The following DZANK1 variants were observed in gnomAD, a reference collection of about 807,000 sequenced individuals.
The protein encoded by DZANK1 is double zinc ribbon and ankyrin repeat-containing protein 1.
A neutral mutation model predicts 94.5 loss-of-function variants in DZANK1; 91 were observed. The observed-to-expected ratio is 0.96, with a 90% CI of 0.81 to 1.15. DZANK1 has a LOEUF of 1.15. Among genes scored for constraint, DZANK1 ranks in the 50% most tolerant of loss-of-function variants. DZANK1 has a pLI of 0.00. For synonymous variants in DZANK1, 312 were observed against 325.3 expected, an observed-to-expected ratio of 0.96 and a Z score of 0.44; for missense variants, 903 against 916.4, an observed-to-expected ratio of 0.99 and a Z score of 0.19.
intron 13 of DZANK1, among the ~76,000 whole-genome samples, chr20:18,409,190 AAAG>A (rs1457681920): frequency 6.6e-6 from 1 of 152,156 alleles, no homozygotes; most frequent in Admixed American, 6.5e-5. Context: ...AATTTTTTAA[AAAG>A]AAGCTCAACA....
At chr20:18,415,291 G>C (rs774852752) in intron 11 of DZANK1, 36 bp downstream of exon 11, 1 of 1,451,800 alleles carries the variant, frequency 6.9e-7, no homozygotes, top group Non-Finnish European at 9.2e-7. Context: ...GTGGTGAGGT[G>C]CTCAGTATAC....
chr20:18,440,137 C>G (rs1471529475), intron 8 of DZANK1, among the ~76,000 whole-genome samples: 1 of 152,184 alleles, frequency 6.6e-6, no homozygotes, highest in Non-Finnish European at 1.5e-5. Flanking sequence ...AGAAACCAAA[C>G]CTGCTGGCGC....
At chr20:18,439,529 C>T (rs1350878785) in intron 8 of DZANK1, among the ~76,000 whole-genome samples, 1 of 152,184 alleles carries the variant, frequency 6.6e-6, no homozygotes. Context: ...ATTCCTCTTA[C>T]TGAAACATCA....
rs2058708552 is a variant in DZANK1, at chr20:18,441,334, C to T, written c.747+2013G>A. Reference sequence around the variant, plus strand: ...GACAAGACCAAACCACTTCCAAAATCCCATTTCCCAGTTTATTTCCTGGGA... The same window carrying T: ...GACAAGACCAAACCACTTCCAAAATTCCATTTCCCAGTTTATTTCCTGGGA... On this transcript the variant is annotated intron_variant, in intron 8 of 20. Coordinates refer to ENST00000262547, the Ensembl canonical transcript of DZANK1. This position sits in a 1 kb window ranked among gnomAD's most constrained non-coding sequence, Gnocchi z 4.1. Among the ~76,000 whole-genome samples, 1 of 152,178 alleles carries T rather than the reference C, an allele frequency of 6.6e-6. No homozygotes were observed. Among genetic ancestry groups the T allele is most frequent in the African/African-American group, 2.4e-5 (1 of 41,432 alleles).
chr20:18,449,388 CATT>C (rs1475274713), intron 6 of DZANK1, among the ~76,000 whole-genome samples: 1 of 151,976 alleles, frequency 6.6e-6, no homozygotes, highest in Non-Finnish European at 1.5e-5. Flanking sequence ...AATAAAAAAT[CATT>C]ATGAGTAATG....
intron 2 of DZANK1, 118 bp downstream of exon 2, chr20:18,465,131 AT>A (rs1218847015): frequency 3.1e-6 from 2 of 655,592 alleles, no homozygotes; most frequent in Non-Finnish European, 5.1e-6. Flanking sequence ...AGTTTTACAA[AT>A]TTCCCAAAAA....
At chr20:18,400,820 T>C (rs933208638) in intron 13 of DZANK1, among the ~76,000 whole-genome samples, 1 of 152,256 alleles carries the variant, frequency 6.6e-6, no homozygotes, top group Non-Finnish European at 1.5e-5. Flanking sequence ...AACAGAGTTC[T>C]TGCCCTCAAG....
At chr20:18,406,542 A>T (rs183881308) in intron 13 of DZANK1, among the ~76,000 whole-genome samples, 15 of 152,368 alleles carry the variant, frequency 9.8e-5, no homozygotes, top group African/African-American at 3.6e-4. Flanking sequence ...AATAACCACC[A>T]GCAATACCCA....
chr20:18,443,323 G>T, intron 8 of DZANK1, 24 bp downstream of exon 8: 1 of 1,436,654 alleles, frequency 7.0e-7, no homozygotes. Context: ...AATGAAAGAT[G>T]TTTTTAAGAA....
At chr20:18,423,469 A>G (rs1011482984) in intron 10 of DZANK1, among the ~76,000 whole-genome samples, 7 of 152,242 alleles carry the variant, frequency 4.6e-5, no homozygotes, top group Admixed American at 2.6e-4. Flanking sequence ...ATATCTGTGC[A>G]ACATTCCACA....
At chr20:18,393,672 T>G in intron 17 of DZANK1, 39 bp downstream of exon 17, 1 of 1,327,456 alleles carries the variant, frequency 7.5e-7, no homozygotes, top group South Asian at 1.3e-5. Context: ...AATCACAGGC[T>G]GAAGACAACA....
intron 19 of DZANK1, 111 bp downstream of exon 19, chr20:18,389,590 A>T: frequency 1.4e-6 from 2 of 1,439,610 alleles, no homozygotes; most frequent in Non-Finnish European, 9.3e-7. Context: ...TAAAATGGTT[A>T]AAGTGGCTGA....
chr20:18,453,777 G>T, exon 5 of DZANK1: 1 of 1,613,000 alleles, frequency 6.2e-7, no homozygotes, highest in Non-Finnish European at 8.5e-7. Flanking sequence ...GATTTTCAGA[G>T]TTCTTATATT....
In DZANK1 at chr20:18,455,251, C is replaced by T. The variant is rs2059244472; in HGVS notation, c.374G>A (p.Arg125Lys). 1 of 1,599,008 alleles carries T rather than the reference C, an allele frequency of 6.3e-7. No homozygotes were observed. ...GATTATAGTTTCATTACTTGCCTGC[C>T]TTGAAGAATCTTTGAGAACATTTTC... Residue 125 changes from arginine to lysine, a missense_variant, in exon 4 of 21, where the codon AGG becomes AAG. Transcript: ENST00000262547.
chr20:18,459,353 G>A (rs1203972829), intron 3 of DZANK1, among the ~76,000 whole-genome samples: 1 of 152,162 alleles, frequency 6.6e-6, no homozygotes, highest in Non-Finnish European at 1.5e-5. Flanking sequence ...AGGCAATCAT[G>A]TTTGCTGTGG....
chr20:18,435,064 C>A (rs2180659), intron 8 of DZANK1, among the ~76,000 whole-genome samples: 5,987 of 152,210 alleles, frequency 0.039, 280 homozygotes, highest in African/African-American at 0.12. Flanking sequence ...CCACCCACAC[C>A]GCCCTGGCTG....
In DZANK1 at chr20:18,465,230, C is replaced by A; in HGVS notation, c.109+20G>T. On this transcript the variant is annotated intron_variant, in intron 2 of 20. Transcript: ENST00000262547. Reference sequence around the variant, plus strand: ...ATGACAATGTTATTTTAAACAATTTCAAACATATGTGATTCTTACCTGATT... The same window carrying A: ...ATGACAATGTTATTTTAAACAATTTAAAACATATGTGATTCTTACCTGATT... 1 of 1,453,918 alleles carries A rather than the reference C, an allele frequency of 6.9e-7. No individual in the cohort carries two copies. Among genetic ancestry groups the A allele is most frequent in the Admixed American group, 2.0e-5 (1 of 50,050 alleles). The allele number at this position is 1,453,918 out of a possible 1,614,324, so 90.1% of individuals were successfully genotyped here.
rs1039369215 is a variant in DZANK1 at position 18,417,993 on chromosome 20, G to A, written c.955-2544C>T. 7.9e-5 allele frequency among the ~76,000 whole-genome samples: 12 copies of A among 152,088 alleles called. 1 individual carries two copies. Among genetic ancestry groups the A allele is most frequent in the African/African-American group, 2.9e-4 (12 of 41,414 alleles). ...CCCAGCTACTTGGGAAGCTGAGGCA[G>A]GAGAATCACTTGAACCCAGGAGGCA... is the stretch of plus-strand genomic sequence containing the variant. On this transcript the variant is annotated intron_variant, in intron 10 of 20. Transcript: ENST00000262547.
intron 13 of DZANK1, among the ~76,000 whole-genome samples, chr20:18,408,767 A>G (rs1271541433): frequency 6.6e-6 from 1 of 152,246 alleles, no homozygotes; most frequent in Non-Finnish European, 1.5e-5. Context: ...TGCTAAAGGG[A>G]GTTATTCAAT....
Sources: gnomAD v4.1 joint callset for allele counts (sites outside exome capture counted in the v4.1 genomes callset) on GRCh38, gnomAD v4.1.1 for gene constraint, Gnocchi (gnomAD v3.1) non-coding constraint, MANE v1.5 for transcripts, NCBI Gene and HGNC (gene_info 2026-07-23, HGNC 2026-07-21) for gene names.